Variants in SERPINB10 observed in about 807,000 individuals in gnomAD.
SERPINB10 encodes serpin B10.
SERPINB10 carries 35 observed loss-of-function variants against 39.1 expected under a neutral mutation model. The ratio of observed to expected loss-of-function variants is 0.90; its 90% CI spans 0.68 to 1.19. The LOEUF is 1.19. Among genes scored for constraint, SERPINB10 ranks in the 50% most tolerant of loss-of-function variants. The pLI, the probability that SERPINB10 is intolerant of heterozygous loss-of-function variation, is 0.00. For missense variants in SERPINB10, 546 were observed against 460.5 expected, an observed-to-expected ratio of 1.19 and a Z score of -1.70; for synonymous variants, 190 against 158.1, an observed-to-expected ratio of 1.20 and a Z score of -1.52.
At chr18:63,925,149 A>G (rs1268056923) in intron 5 of SERPINB10, among the ~76,000 whole-genome samples, 2 of 152,046 alleles carry the variant, frequency 1.3e-5, no homozygotes, top group Non-Finnish European at 2.9e-5. Flanking sequence ...GACAAAGGCT[A>G]CAATGAACCC....
At chr18:63,915,320 T>G (rs1456416487) in intron 1 of SERPINB10, among the ~76,000 whole-genome samples, 182 bp from the exon 2 acceptor site, 2 of 152,086 alleles carry the variant, frequency 1.3e-5, no homozygotes, top group Non-Finnish European at 2.9e-5. Flanking sequence ...TCCCGTAAAT[T>G]CTCTAAACTT....
chr18:63,926,354 A>C (rs1372081821), intron 5 of SERPINB10, among the ~76,000 whole-genome samples: 1 of 151,808 alleles, frequency 6.6e-6, no homozygotes, highest in East Asian at 1.9e-4. Context: ...CCCCCTCCTT[A>C]CAGAGAGACT....
chr18:63,933,120 G>C lies in SERPINB10; in HGVS notation c.706G>C (p.Ala236Pro). ...LHIFHIEKPK[A>P]VGLQLYYKSR... ...CATTTTTCACATAGAAAAGCCAAAAGCAGTGGGCCTTCAACTCTACTACAA... is the reference window on the plus strand; with the variant it reads ...CATTTTTCACATAGAAAAGCCAAAACCAGTGGGCCTTCAACTCTACTACAA... Residue 236 changes from alanine (A) to proline (P), a missense_variant, in exon 7 of 8, where the codon GCA (alanine) becomes CCA (proline). Transcript: ENST00000238508. 6.2e-7 allele frequency: 1 copy of C among 1,613,976 alleles called. No homozygotes were observed. The highest frequency in any genetic ancestry group is 8.5e-7 in the Non-Finnish European group (1 of 1,179,898).
chr18:63,911,336 T>C (rs1016166541), intron 1 of SERPINB10, among the ~76,000 whole-genome samples: 6 of 151,876 alleles, frequency 4.0e-5, no homozygotes, highest in African/African-American at 1.5e-4. Flanking sequence ...GACTTAGTCA[T>C]GAATACTTCC....
intron 2 of SERPINB10, among the ~76,000 whole-genome samples, chr18:63,916,180 T>C (rs1438388833): frequency 6.6e-6 from 1 of 151,912 alleles, no homozygotes; most frequent in Non-Finnish European, 1.5e-5. Context: ...AACAATATAA[T>C]ACTATTATAT....
At position 63,935,030 on chromosome 18, in the gene SERPINB10, G is replaced by T; in HGVS notation, c.982G>T (p.Ala328Ser). 4 of 1,614,194 alleles carry T rather than the reference G, an allele frequency of 2.5e-6. No homozygotes were observed. Among genetic ancestry groups the T allele is most frequent in the Non-Finnish European group, 3.4e-6 (4 of 1,180,030 alleles). ...SKADFSGMSS[A>S]RNLFLSNVFH... ...AGCTGATTTCTCAGGAATGTCTTCA[G>T]CAAGAAACCTATTTTTGTCCAATGT... The change falls in exon 8 of 8, where the codon GCA becomes TCA. Residue 328 changes from alanine (A) to serine (S), a missense_variant. Coordinates refer to ENST00000238508, the MANE Select transcript of SERPINB10 (RefSeq NM_005024.3).
chr18:63,910,187 C>T (rs1440089782), intron 1 of SERPINB10, among the ~76,000 whole-genome samples: 1 of 152,016 alleles, frequency 6.6e-6, no homozygotes, highest in African/African-American at 2.4e-5. Context: ...TTCCAAAGCT[C>T]TCATTCTAGG....
intron 2 of SERPINB10, among the ~76,000 whole-genome samples, chr18:63,916,131 T>A (rs894475081): frequency 6.6e-6 from 1 of 151,966 alleles, no homozygotes; most frequent in African/African-American, 2.4e-5. Context: ...TCCCTGGTTA[T>A]CTGAATGAAT....
At chr18:63,934,413 C>T (rs188872532) in intron 7 of SERPINB10, among the ~76,000 whole-genome samples, 10 of 152,094 alleles carry the variant, frequency 6.6e-5, no homozygotes, top group Admixed American at 2.6e-4. Flanking sequence ...AGAGTATAGA[C>T]GTGTTATTTT....
intron 4 of SERPINB10, 150 bp downstream of exon 4, chr18:63,918,252 G>C (rs1427809824): frequency 2.9e-6 from 2 of 696,138 alleles, no homozygotes; most frequent in African/African-American, 3.6e-5. Flanking sequence ...CAACCAATGA[G>C]TGTCTAGTGG....
At chr18:63,923,515 A>AGGG (rs1325067609) in intron 5 of SERPINB10, among the ~76,000 whole-genome samples, 2 of 151,574 alleles carry the variant, frequency 1.3e-5, no homozygotes, top group Non-Finnish European at 1.5e-5. Flanking sequence ...AAAACAACAA[A>AGGG]CCTGCACCCT....
chr18:63,924,072 C>T (rs116868038), intron 5 of SERPINB10, among the ~76,000 whole-genome samples: 3 of 152,006 alleles, frequency 2.0e-5, no homozygotes, highest in Non-Finnish European at 4.4e-5. Context: ...ATTCTGCTTC[C>T]TGTTAGTGCA....
chr18:63,933,211 ACAT>A lies in SERPINB10; in HGVS notation c.789+11_789+13del, dbSNP rs747777147. 5.0e-4 allele frequency: 803 copies of A among 1,613,810 alleles called. 13 individuals are homozygous for A. The South Asian group carries it at 8.5e-3, about 17-fold the overall frequency. ...ATTAATGGGCTGGAACAGGTAAATA[ACAT>A]CAGTGTGTCTGATGTGAGGGTGTTT... On this transcript the variant is annotated intron_variant, in intron 7 of 7. Transcript: ENST00000238508.
chr18:63,927,055 A>G (rs1011828943), intron 5 of SERPINB10, among the ~76,000 whole-genome samples: 3 of 151,934 alleles, frequency 2.0e-5, no homozygotes, highest in African/African-American at 7.2e-5. Context: ...TATTATTTGC[A>G]AATAATAATT....
intron 5 of SERPINB10, among the ~76,000 whole-genome samples, chr18:63,928,850 G>T (rs909339557): frequency 1.4e-5 from 2 of 138,446 alleles, no homozygotes; most frequent in African/African-American, 6.0e-5. Context: ...TCTGTCTGTT[G>T]TTGGTGTATA....
At chr18:63,908,126 AC>A (rs1210937156) in intron 1 of SERPINB10, 86 bp downstream of exon 1, 15 of 229,078 alleles carry the variant, frequency 6.5e-5, no homozygotes, top group Admixed American at 2.4e-4. Flanking sequence ...AATAATGAAG[AC>A]CCCTTCCCCC....
chr18:63,915,541 T>C lies in SERPINB10; in HGVS notation c.31T>C (p.Phe11Leu), dbSNP rs372835886. 11 of 1,612,188 alleles carry C rather than the reference T, an allele frequency of 6.8e-6. No homozygotes were observed. In the African/African-American group the frequency reaches 1.5e-4, roughly 22 times the overall value. ...CTCTCTAGCAACATCAATCAACCAGTTTGCCCTGGAGTTGAGCAAAAAGCT... is the reference window on the plus strand; with the variant it reads ...CTCTCTAGCAACATCAATCAACCAGCTTGCCCTGGAGTTGAGCAAAAAGCT... MDSLATSINQ[F>L]ALELSKKLAE... Residue 11 changes from phenylalanine (F) to leucine (L), a missense_variant, in exon 2 of 8, where the codon TTT (phenylalanine) becomes CTT (leucine). Transcript: ENST00000238508.
At chr18:63,929,923 T>G in intron 5 of SERPINB10, 122 bp from the exon 6 acceptor site, 1 of 997,018 alleles carries the variant, frequency 1.0e-6, no homozygotes. Context: ...TTCCAGAAAA[T>G]CAAAAACCAG....
intron 5 of SERPINB10, among the ~76,000 whole-genome samples, chr18:63,923,781 A>G (rs570092507): frequency 3.1e-4 from 47 of 151,794 alleles, no homozygotes; most frequent in Non-Finnish European, 4.6e-4. Context: ...AAATTTCACA[A>G]TCTATCCTAT....
Sources: allele counts gnomAD v4.1 joint callset (sites outside exome capture counted in the v4.1 genomes callset), GRCh38; gene constraint gnomAD v4.1.1; transcripts MANE v1.5; gene names NCBI Gene and HGNC (gene_info 2026-07-23, HGNC 2026-07-21).